SEH1L: variants seen among roughly 807,000 people sequenced by gnomAD.
SEH1L encodes SEH1 like nucleoporin.
A neutral mutation model predicts 49.5 loss-of-function variants in SEH1L; 18 were observed. The observed-to-expected ratio is 0.36, with a 90% CI of 0.25 to 0.54. The LOEUF is 0.54. Ranked by LOEUF, SEH1L falls within the 20% of genes least tolerant of loss-of-function variation. SEH1L has a pLI of 0.87. For missense variants in SEH1L, 404 were observed against 528.8 expected, an observed-to-expected ratio of 0.76 and a Z score of 2.31; for synonymous variants, 169 against 178.1, an observed-to-expected ratio of 0.95 and a Z score of 0.41.
chr18:12,975,952 T>A, intron 5 of SEH1L: 2 of 829,734 alleles, frequency 2.4e-6, no homozygotes, highest in Non-Finnish European at 2.9e-6. Context: ...CAAAGAGGAG[T>A]GAATGTGGTA....
chr18:12,985,735 ATTTG>A (rs1487346846), intron 8 of SEH1L: 22 of 952,196 alleles, frequency 2.3e-5, no homozygotes, highest in Non-Finnish European at 2.8e-5. Flanking sequence ...TTGAGTGCTG[ATTTG>A]TTTACTTTTT....
Position 12,987,098 on chromosome 18 carries a change from T to G in SEH1L, c.*41T>G, listed in dbSNP as rs2032496147. 1 of 1,361,092 alleles carries G rather than the reference T, an allele frequency of 7.3e-7. No individual in the cohort carries two copies. Among genetic ancestry groups the G allele is most frequent in the Admixed American group, 2.3e-5 (1 of 43,848 alleles). 84.3% of individuals were successfully genotyped at this position (1,361,092 alleles called of 1,614,324 possible). A position where few individuals can be genotyped will look rare whatever the true frequency, so the allele number is the denominator to read the frequency against. Reference sequence around the variant, plus strand: ...TTGAAAGGCCTTATTCAAGTGCTTGTAAATGCTTTCATTTCTGGCTGCTTT... The same window carrying G: ...TTGAAAGGCCTTATTCAAGTGCTTGGAAATGCTTTCATTTCTGGCTGCTTT... On this transcript the variant is annotated 3_prime_UTR_variant, in exon 9 of 9. Transcript: ENST00000399892.
intron 8 of SEH1L, chr18:12,986,142 CTTAA>C: frequency 1.0e-6 from 1 of 984,010 alleles, no homozygotes; most frequent in Non-Finnish European, 1.2e-6. Flanking sequence ...TCAAGATTTT[CTTAA>C]TTTAGTTCGC....
intron 3 of SEH1L, among the ~76,000 whole-genome samples, chr18:12,959,567 G>A (rs570586867): frequency 3.3e-5 from 5 of 152,302 alleles, no homozygotes; most frequent in African/African-American, 9.6e-5. Context: ...TGCTCAAAAA[G>A]TTTTGGAGTT....
At chr18:12,975,806 G>GA in intron 5 of SEH1L, 1 of 986,124 alleles carries the variant, frequency 1.0e-6, no homozygotes, top group Non-Finnish European at 1.2e-6. Flanking sequence ...CTATGATGTG[G>GA]AATGAGGACA....
intron 2 of SEH1L, among the ~76,000 whole-genome samples, chr18:12,954,733 G>A (rs955519547): frequency 2.6e-5 from 4 of 152,168 alleles, no homozygotes; most frequent in African/African-American, 9.7e-5. Flanking sequence ...CCCCTAAAGG[G>A]CTGAGAAGAC....
intron 3 of SEH1L, among the ~76,000 whole-genome samples, chr18:12,962,459 CTTT>C (rs3070220): frequency 0.021 from 1,312 of 63,396 alleles, 5 homozygotes; most frequent in Admixed American, 0.035. Flanking sequence ...GCATGCCTTT[CTTT>C]TTTTTTTTTT....
At chr18:12,971,081 C>A in intron 4 of SEH1L, 72 bp from the exon 5 acceptor site, 1 of 1,055,026 alleles carries the variant, frequency 9.5e-7, no homozygotes, top group Non-Finnish European at 1.5e-6. Flanking sequence ...TGCTTGCCTC[C>A]AGTGTGTTCA....
chr18:12,973,979 TG>T (rs1376196062), intron 5 of SEH1L: 1 of 152,206 alleles, frequency 6.6e-6, no homozygotes, highest in South Asian at 2.1e-4. Context: ...TCTTATCAGG[TG>T]CTGGCGGCTG....
chr18:12,986,750 T>C, intron 8 of SEH1L, 112 bp from the exon 9 acceptor site: 1 of 1,209,942 alleles, frequency 8.3e-7, no homozygotes, highest in South Asian at 3.6e-5. Context: ...TTCTAGCATG[T>C]GTTTTCTCCT....
chr18:12,978,802 A>G lies in SEH1L; in HGVS notation c.671A>G (p.Asp224Gly). ...TLMTVTDPVH[D>G]IAFAPNLGRS... ...ATGACAGTCACTGATCCTGTTCATGATATTGCATTCGCTCCAAATTTGGGA... is the reference window on the plus strand; with the variant it reads ...ATGACAGTCACTGATCCTGTTCATGGTATTGCATTCGCTCCAAATTTGGGA... Residue 224 changes from aspartate (D) to glycine (G), a missense_variant, in exon 6 of 9, where the codon GAT becomes GGT. This residue lies in a region of SEH1L where 342 missense variants were observed against 430.8 expected (regional missense o/e 0.79). Transcript: ENST00000399892. The G allele has an allele frequency of 1.2e-6, 2 of 1,613,754 alleles. No homozygotes were observed. Among genetic ancestry groups the G allele is most frequent in the Non-Finnish European group, 1.7e-6 (2 of 1,179,670 alleles).
In SEH1L at chr18:12,948,249, C is replaced by G; in HGVS notation, c.111+17C>G. 6.3e-7 allele frequency: 1 copy of G among 1,575,368 alleles called. No individual in the cohort carries two copies. The highest frequency in any genetic ancestry group is 1.4e-5 in the African/African-American group (1 of 73,124). On this transcript the variant is annotated intron_variant, in intron 1 of 8. Transcript: ENST00000399892. ...AGCGTTAAGGTGCGCGCGGCGCTTG[C>G]GGGCGGGGCCGACCCCGGAAGGAAG...
intron 1 of SEH1L, among the ~76,000 whole-genome samples, chr18:12,949,445 T>TTTTTTG (rs2030361559): frequency 1.1e-5 from 1 of 91,660 alleles, no homozygotes; most frequent in Admixed American, 9.8e-5. Flanking sequence ...GTTAACCGTT[T>TTTTTTG]TTTTTTTTTT....
intron 1 of SEH1L, among the ~76,000 whole-genome samples, chr18:12,951,608 C>T (rs1464358026): frequency 6.6e-6 from 1 of 152,204 alleles, no homozygotes; most frequent in Non-Finnish European, 1.5e-5. Flanking sequence ...CTAGGCTGGT[C>T]TCGAACTCCT....
At chr18:12,957,209 C>T (rs1023938487) in intron 3 of SEH1L, among the ~76,000 whole-genome samples, 9 of 152,224 alleles carry the variant, frequency 5.9e-5, no homozygotes, top group Non-Finnish European at 1.3e-4. Flanking sequence ...GGACAGATCA[C>T]CTGAGGTCAG....
At chr18:12,963,450 A>G (rs1450419277) in intron 4 of SEH1L, 79 bp downstream of exon 4, 8 of 1,157,444 alleles carry the variant, frequency 6.9e-6, no homozygotes, top group Middle Eastern at 2.7e-4. Flanking sequence ...TTGATAATTT[A>G]TTCTCTCAAA....
rs199703025 is a variant in SEH1L at position 12,957,897 on chromosome 18, TG to T, written c.309+2292del. ...GGCTGATTTTTTTATTTTGTAGAGA[TG>T]GGGTTTCACCATGTTGCCCAGGCTG... On this transcript the variant is annotated intron_variant, in intron 3 of 8. Transcript: ENST00000399892. Among the ~76,000 whole-genome samples, 597 of 151,976 alleles carry T rather than the reference TG, an allele frequency of 3.9e-3. 4 individuals carry two copies. The highest frequency in any genetic ancestry group is 0.013 in the African/African-American group (545 of 41,478).
chr18:12,960,887 AGAGT>A (rs2031141386), intron 3 of SEH1L, among the ~76,000 whole-genome samples: 1 of 152,246 alleles, frequency 6.6e-6, no homozygotes, highest in Non-Finnish European at 1.5e-5. Flanking sequence ...GGCATAAGGC[AGAGT>A]AAGAGACTAA....
At chr18:12,970,355 C>T (rs930265294) in intron 4 of SEH1L, among the ~76,000 whole-genome samples, 15 of 152,174 alleles carry the variant, frequency 9.9e-5, no homozygotes, top group African/African-American at 3.4e-4. Flanking sequence ...AGGGGAATGA[C>T]GTGGGGATCG....
Sources: gnomAD v4.1 joint callset for allele counts (sites outside exome capture counted in the v4.1 genomes callset) on GRCh38, gnomAD v4.1.1 for gene constraint, gnomAD v4.1.1 regional missense constraint, MANE v1.5 for transcripts, NCBI Gene and HGNC (gene_info 2026-07-23, HGNC 2026-07-21) for gene names.